The following TXNDC15 variants were observed in gnomAD, a reference collection of about 807,000 sequenced individuals.
TXNDC15 encodes the protein thioredoxin domain containing 15, also known as thioredoxin domain-containing protein 15.
TXNDC15 carries 24 observed loss-of-function variants against 35.0 expected under a neutral mutation model. The observed-to-expected ratio is 0.68, with a 90% CI of 0.50 to 0.96. TXNDC15 has a LOEUF of 0.96. TXNDC15 is among the 40% of genes least tolerant of loss of function. The pLI is 0.00. For synonymous variants in TXNDC15, 169 were observed against 174.0 expected, an observed-to-expected ratio of 0.97 and a Z score of 0.23; for missense variants, 385 against 453.3, an observed-to-expected ratio of 0.85 and a Z score of 1.37.
chr5:134,883,913 C>CA lies in TXNDC15; in HGVS notation c.104-3767dup, dbSNP rs779962714. On this transcript the variant is annotated intron_variant, in intron 1 of 4. Transcript: ENST00000358387. ...TGGGCAATAAAGGGAGACTCCATCT[C>CA]AAAAAAAAAAAAAAAGGAAAGAAAG... is the stretch of plus-strand genomic sequence containing the variant. Among the ~76,000 whole-genome samples the CA allele has an allele frequency of 6.3e-3, 423 of 66,802 alleles. 1 individual carries two copies. Among genetic ancestry groups the CA allele is most frequent in the East Asian group, 0.013 (29 of 2,272 alleles). The allele number at this position is 66,802 out of a possible 152,430, so 43.8% of individuals were successfully genotyped here.
At chr5:134,898,018 A>G (rs966332610) in intron 4 of TXNDC15, among the ~76,000 whole-genome samples, 62 of 151,980 alleles carry the variant, frequency 4.1e-4, no homozygotes, top group Non-Finnish European at 7.7e-4. Context: ...CAAAAAAAAA[A>G]GAAAAAAAAA....
intron 4 of TXNDC15, among the ~76,000 whole-genome samples, chr5:134,897,615 C>T (rs991746157): frequency 6.6e-6 from 1 of 152,218 alleles, no homozygotes; most frequent in Non-Finnish European, 1.5e-5. Flanking sequence ...TTACTTATAA[C>T]TTTTAACGCA....
Position 134,896,442 on chromosome 5 carries a change from G to A in TXNDC15, c.886+18G>A. 2 of 1,612,210 alleles carry A rather than the reference G, an allele frequency of 1.2e-6. No individual in the cohort carries two copies. Among genetic ancestry groups the A allele is most frequent in the Non-Finnish European group, 8.5e-7 (1 of 1,179,300 alleles). On this transcript the variant is annotated intron_variant, in intron 4 of 4. Coordinates refer to ENST00000358387, the MANE Select transcript of TXNDC15 (RefSeq NM_024715.4). ...TCAGACAGGTATGTGGAAGTAATGT[G>A]CTGAGGAAGAAGATATTCTATTGCT...
Position 134,887,871 on chromosome 5 carries a change from C to T in TXNDC15, c.280C>T (p.Leu94=), listed in dbSNP as rs774685404. The T allele has an allele frequency of 3.7e-6, 6 of 1,614,190 alleles. No homozygotes were observed. In the South Asian group the frequency reaches 5.5e-5, roughly 15 times the overall value. Residue 94 remains leucine (L), a synonymous_variant, in exon 2 of 5, where the codon CTG becomes TTG. Transcript: ENST00000358387. ...LDTQGDHMVM[L]SVIPGEAEDK... ...CACCCAAGGCGATCACATGGTGATG[C>T]TGTCTGTGATTCCTGGGGAAGCTGA...
intron 1 of TXNDC15, among the ~76,000 whole-genome samples, chr5:134,880,204 CT>C (rs1351307608): frequency 6.6e-6 from 1 of 152,150 alleles, no homozygotes; most frequent in Non-Finnish European, 1.5e-5. Flanking sequence ...CGAATCTACC[CT>C]ACCTTCCTCG....
rs762075308 is a variant in TXNDC15 at position 134,887,795 on chromosome 5, G to A, written c.204G>A (p.Pro68=). Residue 68 remains proline (P), a synonymous_variant, in exon 2 of 5, where the codon CCG becomes CCA. Transcript: ENST00000358387. ...YLGEEELLHD[P]MGQDRAAEEA... ...GTGAGGAGGAGCTCCTGCATGACCC[G>A]ATGGGCCAGGACAGGGCAGCAGAAG... The A allele has an allele frequency of 2.2e-5, 35 of 1,614,156 alleles. No homozygotes were observed. The highest frequency in any genetic ancestry group is 2.6e-5 in the Non-Finnish European group (31 of 1,180,010).
At chr5:134,874,611 G>A (rs1328600423) in intron 1 of TXNDC15, 81 bp downstream of exon 1, 141 of 1,176,594 alleles carry the variant, frequency 1.2e-4, no homozygotes, top group Non-Finnish European at 1.5e-5. Context: ...CCTGCGCGAA[G>A]GCCGGCGGTG....
chr5:134,884,032 A>G (rs890910642), intron 1 of TXNDC15, among the ~76,000 whole-genome samples: 2 of 151,718 alleles, frequency 1.3e-5, no homozygotes, highest in African/African-American at 4.8e-5. Flanking sequence ...CAGCCTGGCC[A>G]ACATGGCGAA....
intron 4 of TXNDC15, among the ~76,000 whole-genome samples, chr5:134,898,082 C>A (rs1388176006): frequency 6.6e-6 from 1 of 152,078 alleles, no homozygotes; most frequent in African/African-American, 2.4e-5. Context: ...CCTGCCTTCC[C>A]CAAAGATAAA....
intron 1 of TXNDC15, among the ~76,000 whole-genome samples, chr5:134,877,127 T>C (rs1156499404): frequency 6.6e-6 from 1 of 152,158 alleles, no homozygotes; most frequent in East Asian, 1.9e-4. Context: ...GGTCAGGGAA[T>C]GTGTCCTTAC....
Position 134,893,556 on chromosome 5 carries a change from G to A in TXNDC15, c.656G>A (p.Trp219Ter), listed in dbSNP as rs201712904. The A allele has an allele frequency of 2.3e-4, 366 of 1,614,176 alleles. No individual in the cohort carries two copies. The highest frequency in any genetic ancestry group is 2.9e-4 in the Non-Finnish European group (342 of 1,180,036). ...ACTCTAGTCCTGTTTTACACCCCGT[G>A]GTGCCGCTTTTCTGCCAGTTTGGCC... is the stretch of plus-strand genomic sequence containing the variant. ...DCTLVLFYTP[W>*]CRFSASLAPH... Residue 219 changes from tryptophan to a stop codon, truncating the protein, a stop_gained, in exon 3 of 5, where the codon TGG becomes TAG. Transcript: ENST00000358387. LOFTEE classifies it high-confidence loss of function.
At chr5:134,879,326 A>AT (rs976371372) in intron 1 of TXNDC15, among the ~76,000 whole-genome samples, 36 of 152,070 alleles carry the variant, frequency 2.4e-4, no homozygotes, top group African/African-American at 8.0e-4. Flanking sequence ...TTGTGCCCTG[A>AT]TTTTTTTATC....
At chr5:134,894,979 G>T (rs1240253801) in intron 3 of TXNDC15, among the ~76,000 whole-genome samples, 1 of 151,978 alleles carries the variant, frequency 6.6e-6, no homozygotes, top group Non-Finnish European at 1.5e-5. Flanking sequence ...TTTGAGACCA[G>T]CCTGGACAAC....
At chr5:134,875,213 G>A (rs1750008365) in intron 1 of TXNDC15, 1 of 456,154 alleles carries the variant, frequency 2.2e-6, no homozygotes, top group Non-Finnish European at 4.4e-6. Flanking sequence ...CACTCTAGAG[G>A]CATGGCGAGG....
chr5:134,882,264 T>A (rs1429953273), intron 1 of TXNDC15, among the ~76,000 whole-genome samples: 2 of 150,120 alleles, frequency 1.3e-5, no homozygotes, highest in South Asian at 2.1e-4. Context: ...GCAGAGACGC[T>A]CCTCACTTCC....
At chr5:134,874,271 G>A, upstream of TXNDC15, 1 of 598,010 alleles carries the variant, frequency 1.7e-6, no homozygotes, top group Middle Eastern at 4.5e-4. Context: ...GCTAGAGGCC[G>A]TCCGCCCGAC....
chr5:134,881,724 T>C (rs1750149615), intron 1 of TXNDC15, among the ~76,000 whole-genome samples: 1 of 143,172 alleles, frequency 7.0e-6, no homozygotes, highest in Non-Finnish European at 1.5e-5. Flanking sequence ...GACGGGGTGG[T>C]GGCCGGGCAG....
At chr5:134,886,337 C>G (rs754217414) in intron 1 of TXNDC15, among the ~76,000 whole-genome samples, 15 of 152,214 alleles carry the variant, frequency 9.9e-5, no homozygotes, top group African/African-American at 2.7e-4. Context: ...AACTCATCAC[C>G]CAGCGGGTGG....
At chr5:134,897,335 C>G (rs1206049670) in intron 4 of TXNDC15, among the ~76,000 whole-genome samples, 1 of 152,176 alleles carries the variant, frequency 6.6e-6, no homozygotes, top group Non-Finnish European at 1.5e-5. Context: ...GCAACCTCTG[C>G]CTCCTGGGTT....
Sources: allele counts gnomAD v4.1 joint callset (sites outside exome capture counted in the v4.1 genomes callset), GRCh38; gene constraint gnomAD v4.1.1; transcripts MANE v1.5; gene names NCBI Gene and HGNC (gene_info 2026-07-23, HGNC 2026-07-21).